PAFAH1B1: variants seen among roughly 807,000 people sequenced by gnomAD.
PAFAH1B1 encodes platelet activating factor acetylhydrolase 1b regulatory subunit 1, also known as platelet-activating factor acetylhydrolase IB subunit beta.
A neutral mutation model predicts 57.5 loss-of-function variants in PAFAH1B1; 2 were observed. That is an observed-to-expected ratio of 0.03 (90% CI 0.01 to 0.11). The LOEUF (loss-of-function observed/expected upper bound fraction) is 0.11. Among genes scored for constraint, PAFAH1B1 ranks in the 10% least tolerant of loss-of-function variants. The pLI, the probability that PAFAH1B1 is intolerant of heterozygous loss-of-function variation, is 1.00. For synonymous variants in PAFAH1B1, 152 were observed against 169.6 expected (o/e 0.90, Z 0.81); for missense variants, 257 against 512.0 (o/e 0.50, Z 4.81).
intron 1 of PAFAH1B1, among the ~76,000 whole-genome samples, chr17:2,625,815 G>C (rs2068482345): frequency 2.6e-5 from 4 of 152,114 alleles, no homozygotes. Context: ...GCATGCATCT[G>C]TTGTCCCAGC....
rs1345710911 is a variant in PAFAH1B1, at chr17:2,617,858, T to G, written c.-190-20241T>G. ...TTGCTTGAACCTGGGAGGTGAAGGT[T>G]GTAGGGAGGGAGTGGAGATTGCGCC... On this transcript the variant is annotated intron_variant, in intron 1 of 10. Transcript: ENST00000397195. Among the ~76,000 whole-genome samples the G allele has an allele frequency of 2.6e-5, 4 of 151,572 alleles. No homozygotes were observed. The East Asian group carries it at 7.7e-4, about 29-fold the overall frequency.
chr17:2,644,491 C>T (rs1337537414), intron 2 of PAFAH1B1, among the ~76,000 whole-genome samples: 1 of 152,070 alleles, frequency 6.6e-6, no homozygotes, highest in African/African-American at 2.4e-5. Context: ...TGCGGTGAGC[C>T]GCGATCACAC....
chr17:2,677,026 G>A (rs916888717), intron 9 of PAFAH1B1, among the ~76,000 whole-genome samples: 3 of 152,128 alleles, frequency 2.0e-5, no homozygotes, highest in African/African-American at 4.8e-5. Context: ...GGTGGCGGGC[G>A]CCTGTAGTCC....
rs1456175286 is a variant in PAFAH1B1, at chr17:2,684,740, C to T, written c.*2938C>T. The T allele has an allele frequency of 6.6e-6, 1 of 152,598 alleles. No individual in the cohort carries two copies. Among genetic ancestry groups the T allele is most frequent in the Non-Finnish European group, 1.5e-5 (1 of 68,048 alleles). 9.5% of individuals were successfully genotyped at this position (152,598 alleles called of 1,614,324 possible). A position where few individuals can be genotyped will look rare whatever the true frequency, so the allele number is the denominator to read the frequency against. The stretch of plus-strand genomic sequence containing the variant: ...TGTGACCAATGGTGTGCCCAGAGCA[C>T]TACTCTCAAAATCACTAGTGTTAGC... On this transcript the variant is annotated 3_prime_UTR_variant, in exon 11 of 11. Coordinates refer to ENST00000397195, the MANE Select transcript of PAFAH1B1 (RefSeq NM_000430.4).
At chr17:2,669,393 C>G (rs573767524) in intron 5 of PAFAH1B1, among the ~76,000 whole-genome samples, 1 of 151,818 alleles carries the variant, frequency 6.6e-6, no homozygotes, top group African/African-American at 2.4e-5. Context: ...TCCCGAGTAG[C>G]CGGGAGTACA....
chr17:2,676,529 C>T lies in PAFAH1B1; in HGVS notation c.925C>T (p.Pro309Ser). The T allele has an allele frequency of 6.2e-7, 1 of 1,612,122 alleles. No homozygotes were observed. Among genetic ancestry groups the T allele is most frequent in the Non-Finnish European group, 8.5e-7 (1 of 1,178,440 alleles). ...GACTAAAAAAAGTGGTAAACCTGGG[C>T]CATTCTTGCTGTCTGGATCCAGAGA... ...SETKKSGKPG[P>S]FLLSGSRDKT... The change falls in exon 9 of 11, where the codon CCA (proline) becomes TCA (serine). Residue 309 changes from proline to serine, a missense_variant. By Grantham distance (74) the Pro-to-Ser change is moderately conservative. Coordinates refer to ENST00000397195, the MANE Select transcript of PAFAH1B1 (RefSeq NM_000430.4).
chr17:2,657,405 C>T lies in PAFAH1B1; in HGVS notation c.33-7967C>T, dbSNP rs577464957. 1.3e-3 allele frequency among the ~76,000 whole-genome samples: 197 copies of T among 152,254 alleles called. 1 individual carries two copies. The highest frequency in any genetic ancestry group is 4.3e-3 in the African/African-American group (180 of 41,556). The stretch of plus-strand genomic sequence containing the variant: ...GATTACAGGTGTCCACCGCCGTGCC[C>T]GGCTAATATTGTATTTTTAGTAGAG... On this transcript the variant is annotated intron_variant, in intron 2 of 10. Transcript: ENST00000397195.
At chr17:2,675,289 C>T (rs1249930395) in intron 8 of PAFAH1B1, among the ~76,000 whole-genome samples, 2 of 152,162 alleles carry the variant, frequency 1.3e-5, no homozygotes, top group African/African-American at 4.8e-5. Context: ...AGGTGTGAGC[C>T]ACTGTGCCTG....
chr17:2,620,282 G>C (rs1032979504), intron 1 of PAFAH1B1, among the ~76,000 whole-genome samples: 7 of 152,096 alleles, frequency 4.6e-5, no homozygotes, highest in African/African-American at 1.7e-4. Context: ...GAACATTCTT[G>C]TAACTGTAAC....
Position 2,662,868 on chromosome 17 carries a change from T to C in PAFAH1B1, c.33-2504T>C, listed in dbSNP as rs186857924. 3.5e-3 allele frequency among the ~76,000 whole-genome samples: 540 copies of C among 152,134 alleles called. 2 individuals are homozygous for C. Among genetic ancestry groups the C allele is most frequent in the African/African-American group, 0.012 (508 of 41,526 alleles). On this transcript the variant is annotated intron_variant, in intron 2 of 10. Transcript: ENST00000397195. The stretch of plus-strand genomic sequence containing the variant: ...GCTAACGCCTGTAATCCCAACACTT[T>C]GGGAGGCCAAGGTGGGCGGATCACC...
At chr17:2,660,251 A>G (rs1005591679) in intron 2 of PAFAH1B1, among the ~76,000 whole-genome samples, 4 of 149,374 alleles carry the variant, frequency 2.7e-5, no homozygotes, top group Admixed American at 6.7e-5. Flanking sequence ...TTTTTATTTT[A>G]CTTTAAGTTC....
At chr17:2,610,263 G>A (rs1323182539) in intron 1 of PAFAH1B1, among the ~76,000 whole-genome samples, 1 of 152,168 alleles carries the variant, frequency 6.6e-6, no homozygotes, top group African/African-American at 2.4e-5. Context: ...TTATGAGGAT[G>A]CATAAAACTA....
chr17:2,627,630 G>A (rs1457106576), intron 1 of PAFAH1B1, among the ~76,000 whole-genome samples: 3 of 152,152 alleles, frequency 2.0e-5, no homozygotes, highest in Non-Finnish European at 4.4e-5. Context: ...TATGAAGAAT[G>A]ATGGTATTTT....
intron 2 of PAFAH1B1, among the ~76,000 whole-genome samples, chr17:2,664,665 G>GCGCGCTCTCGCTCTCTCT: frequency 1.2e-5 from 1 of 86,028 alleles, no homozygotes; most frequent in Non-Finnish European, 2.6e-5. Context: ...TCTATCTATC[G>GCGCGCTCTCGCTCTCTCT]CTCTCTCTCT....
intron 2 of PAFAH1B1, among the ~76,000 whole-genome samples, chr17:2,649,404 C>A (rs989783293): frequency 6.6e-6 from 1 of 150,456 alleles, no homozygotes; most frequent in Non-Finnish European, 1.5e-5. Flanking sequence ...GAAACCCCAT[C>A]TCTACTAAAA....
intron 2 of PAFAH1B1, among the ~76,000 whole-genome samples, chr17:2,653,830 C>T (rs377188224): frequency 2.0e-5 from 3 of 151,546 alleles, no homozygotes; most frequent in East Asian, 3.9e-4. Flanking sequence ...TTTTTGAAAC[C>T]GAGTCTTATA....
chr17:2,622,653 C>T (rs774904252), intron 1 of PAFAH1B1, among the ~76,000 whole-genome samples: 26 of 152,104 alleles, frequency 1.7e-4, no homozygotes, highest in African/African-American at 4.3e-4. Flanking sequence ...CTTTTCCAGG[C>T]GACAGTGCAA....
At chr17:2,629,221 A>G (rs1235574713) in intron 1 of PAFAH1B1, among the ~76,000 whole-genome samples, 1 of 152,012 alleles carries the variant, frequency 6.6e-6, no homozygotes, top group African/African-American at 2.4e-5. Context: ...TTTTTGATGT[A>G]GGCGTTTAGG....
chr17:2,604,774 A>C (rs2068187038), intron 1 of PAFAH1B1, among the ~76,000 whole-genome samples: 1 of 152,036 alleles, frequency 6.6e-6, no homozygotes. Flanking sequence ...CGGCCACTGC[A>C]CTCCAGACTG....
Sources: gnomAD v4.1 joint callset for allele counts (sites outside exome capture counted in the v4.1 genomes callset) on GRCh38, gnomAD v4.1.1 for gene constraint, MANE v1.5 for transcripts, NCBI Gene and HGNC (gene_info 2026-07-23, HGNC 2026-07-21) for gene names.